Variants in SH3TC1 observed in about 807,000 individuals in gnomAD.
SH3TC1 encodes the protein SH3 domain and tetratricopeptide repeat-containing protein 1.
SH3TC1 carries 135 observed loss-of-function variants against 117.3 expected under a neutral mutation model. The observed-to-expected ratio is 1.15, with a 90% CI of 1.00 to 1.33. The LOEUF (loss-of-function observed/expected upper bound fraction) is 1.33. SH3TC1 is among the 40% of genes most tolerant of loss of function. The pLI is 0.00. For missense variants in SH3TC1, 2,092 were observed against 1,794.3 expected (o/e 1.17, Z -3.00); for synonymous variants, 898 against 816.9 (o/e 1.10, Z -1.69).
intron 7 of SH3TC1, 112 bp downstream of exon 7, chr4:8,217,279 A>T: frequency 7.6e-7 from 1 of 1,307,744 alleles, no homozygotes. Context: ...CCCCGGACAG[A>T]CCTGGCCATG....
chr4:8,199,785 G>A (rs973743557), intron 1 of SH3TC1, among the ~76,000 whole-genome samples: 13 of 152,280 alleles, frequency 8.5e-5, no homozygotes, highest in Middle Eastern at 3.4e-3. Flanking sequence ...TGACCCCAGC[G>A]CCCGGTTAGC....
intron 1 of SH3TC1, among the ~76,000 whole-genome samples, chr4:8,182,912 A>C (rs1039332463): frequency 3.4e-4 from 51 of 152,118 alleles, no homozygotes; most frequent in African/African-American, 1.1e-3. Flanking sequence ...CCCACCTGCC[A>C]CTGGGGATGA....
intron 1 of SH3TC1, chr4:8,182,240 C>G (rs902995682): frequency 6.6e-6 from 1 of 152,252 alleles, no homozygotes; most frequent in Non-Finnish European, 1.5e-5. Flanking sequence ...GCTGGGTCTG[C>G]GCTTGGAAAG....
intron 12 of SH3TC1, 47 bp from the exon 13 acceptor site, chr4:8,231,929 G>C: frequency 6.3e-7 from 1 of 1,595,052 alleles, no homozygotes; most frequent in Non-Finnish European, 8.5e-7. Context: ...AGCCAGCCTC[G>C]CTTCAATGCT....
At chr4:8,211,243 C>A (rs1230717802) in intron 3 of SH3TC1, among the ~76,000 whole-genome samples, 1 of 88,542 alleles carries the variant, frequency 1.1e-5, no homozygotes, top group Non-Finnish European at 2.4e-5. Flanking sequence ...TCCCCTCTCC[C>A]TCCCTCTCCC....
chr4:8,189,877 G>A (rs560136605), intron 1 of SH3TC1, among the ~76,000 whole-genome samples: 88 of 152,328 alleles, frequency 5.8e-4, no homozygotes, highest in African/African-American at 2.1e-3. Context: ...TTAGGGAGGA[G>A]GAGGCTGGGA....
In SH3TC1 at chr4:8,227,705, C is replaced by G. The variant is rs755649628; in HGVS notation, c.2011C>G (p.Leu671Val). 1 of 1,568,098 alleles carries G rather than the reference C, an allele frequency of 6.4e-7. No homozygotes were observed. The highest frequency in any genetic ancestry group is 8.7e-7 in the Non-Finnish European group (1 of 1,154,746). ...GGCCGAGGCCCGGGCCTGCTTCCTG[C>G]TGGCCAGGCACCACGTGCACCTCAA... Reference protein sequence around the residue: ...LQAEARACFLLARHHVHLKQP... With the variant: ...LQAEARACFLVARHHVHLKQP... Residue 671 changes from leucine to valine, a missense_variant, in exon 12 of 18, where the codon CTG becomes GTG. By Grantham distance (32) the Leu-to-Val change is conservative. Transcript: ENST00000245105.
At chr4:8,238,564 CCCCGCCCCGTA>C (rs1722030134) in intron 17 of SH3TC1, among the ~76,000 whole-genome samples, 3 of 152,158 alleles carry the variant, frequency 2.0e-5, no homozygotes, top group Non-Finnish European at 4.4e-5. Flanking sequence ...AACCCTAAGA[CCCCGCCCCGTA>C]TCCCCCGCGG....
intron 1 of SH3TC1, among the ~76,000 whole-genome samples, chr4:8,191,439 G>A (rs535898822): frequency 6.6e-6 from 1 of 152,218 alleles, no homozygotes; most frequent in African/African-American, 2.4e-5. Context: ...TATGAGCCCC[G>A]TGTCCTCGTT....
Position 8,235,534 on chromosome 4 carries a change from G to A in SH3TC1, c.3384G>A (p.Glu1128=), listed in dbSNP as rs1324676326. ...TCTTCGACGGGGCCTGGGAGCGGGA[G>A]AAAGCTGTGTCCTTCTACCGGGTGA... ...DIFFDGAWER[E]KAVSFYRDRA... is the part of the protein sequence containing the mutation. The change falls in exon 15 of 18, where the codon GAG becomes GAA. Residue 1128 remains glutamate (E), a synonymous_variant. Transcript: ENST00000245105. 1.2e-6 allele frequency: 2 copies of A among 1,604,220 alleles called. No homozygotes were observed. The highest frequency in any genetic ancestry group is 8.5e-7 in the Non-Finnish European group (1 of 1,174,822).
chr4:8,229,832 C>T (rs533042780), intron 12 of SH3TC1, among the ~76,000 whole-genome samples: 21 of 152,228 alleles, frequency 1.4e-4, no homozygotes, highest in Admixed American at 2.6e-4. Flanking sequence ...TAGCCTGTGG[C>T]ACCTCCTACG....
At chr4:8,201,100 T>A (rs1012968753) in intron 1 of SH3TC1, among the ~76,000 whole-genome samples, 3 of 152,132 alleles carry the variant, frequency 2.0e-5, no homozygotes, top group Non-Finnish European at 4.4e-5. Flanking sequence ...CTTGGTGGCA[T>A]AGGTGAGGTC....
intron 8 of SH3TC1, 50 bp from the exon 9 acceptor site, chr4:8,219,285 T>G (rs1398685028): frequency 1.3e-6 from 2 of 1,500,384 alleles, no homozygotes; most frequent in Non-Finnish European, 1.8e-6. Context: ...CTGCCCGCTC[T>G]GGCCCCCATT....
Position 8,183,989 on chromosome 4 carries a change from A to G in SH3TC1, c.-57+1779A>G, listed in dbSNP as rs1307765482. ...CTGGTCTCGAACTCCTGACCTCATG[A>G]TCCGCCCACCTCAGCCTCCCAAAGT... On this transcript the variant is annotated intron_variant, in intron 1 of 16. Coordinates refer to the SH3TC1 transcript ENST00000508641. This position sits in a 1 kb window ranked among gnomAD's most constrained non-coding sequence, Gnocchi z 5.4. Among the ~76,000 whole-genome samples the G allele has an allele frequency of 6.6e-6, 1 of 152,062 alleles. No homozygotes were observed. Among genetic ancestry groups the G allele is most frequent in the Admixed American group, 6.6e-5 (1 of 15,262 alleles).
At position 8,225,451 on chromosome 4, in the gene SH3TC1, T is replaced by C. The variant is rs1720377386; in HGVS notation, c.1285+235T>C. On this transcript the variant is annotated intron_variant, in intron 11 of 17. Transcript: ENST00000245105. The surrounding 1 kb of genome is among the most constrained non-coding windows in gnomAD (Gnocchi z 5.5). ...TCCAATGAACATGCTGGCCCCCGCC[T>C]GGTCCCCGCCCAAGATGGAGCATCC... Among the ~76,000 whole-genome samples, 1 of 152,152 alleles carries C rather than the reference T, an allele frequency of 6.6e-6. No individual in the cohort carries two copies. The highest frequency in any genetic ancestry group is 1.5e-5 in the Non-Finnish European group (1 of 68,024).
chr4:8,219,397 C>T lies in SH3TC1; in HGVS notation c.979C>T (p.Arg327Ter), dbSNP rs145565944. 83 of 1,610,802 alleles carry T rather than the reference C, an allele frequency of 5.2e-5. No individual in the cohort carries two copies. The highest frequency in any genetic ancestry group is 6.7e-5 in the Admixed American group (4 of 59,912). ...CTCGGGGCCCGAAGAGATGACCTTC[C>T]GAGGTGGCGACCTCATCGAGATCCT... Reference protein sequence around the residue: ...QGSGPEEMTFRGGDLIEILGA... With the variant: ...QGSGPEEMTF Residue 327 changes from arginine (R) to a stop codon, truncating the protein, a stop_gained, in exon 9 of 18, where the codon CGA becomes TGA. Transcript: ENST00000245105. LOFTEE classifies it high-confidence loss of function.
chr4:8,218,385 G>A lies in SH3TC1; in HGVS notation c.916+38G>A, dbSNP rs905108896. On this transcript the variant is annotated intron_variant, in intron 8 of 17. Coordinates refer to ENST00000245105, the MANE Select transcript of SH3TC1 (RefSeq NM_018986.5). ...ATGGGCCTCTCTTTTTTGGGGAAAT[G>A]TGTGTGCTAGGGAGCAGCACCAACA... 2.0e-6 allele frequency: 3 copies of A among 1,514,960 alleles called. No individual in the cohort carries two copies. The African/African-American group carries it at 4.1e-5, about 21-fold the overall frequency. The allele number at this position is 1,514,960 out of a possible 1,614,324, so 93.8% of individuals were successfully genotyped here. A position where few individuals can be genotyped will look rare whatever the true frequency, so the allele number is the denominator to read the frequency against.
rs866323355 is a variant in SH3TC1, at chr4:8,186,671, C to T, written c.-57+4461C>T. On this transcript the variant is annotated intron_variant, in intron 1 of 16. Coordinates refer to the SH3TC1 transcript ENST00000508641. The surrounding 1 kb of genome is among the most constrained non-coding windows in gnomAD (Gnocchi z 5.2). Reference sequence around the variant, plus strand: ...TTAAAAAGCCCCTTGAGGCTGGGTGCGGTGGCTCACGCCTGTAATCCCAGC... The same window carrying T: ...TTAAAAAGCCCCTTGAGGCTGGGTGTGGTGGCTCACGCCTGTAATCCCAGC... Among the ~76,000 whole-genome samples the T allele has an allele frequency of 6.6e-6, 1 of 152,124 alleles. No individual in the cohort carries two copies. Among genetic ancestry groups the T allele is most frequent in the Non-Finnish European group, 1.5e-5 (1 of 68,008 alleles).
intron 17 of SH3TC1, among the ~76,000 whole-genome samples, chr4:8,238,466 C>T (rs553604156): frequency 1.4e-4 from 22 of 152,328 alleles, no homozygotes; most frequent in South Asian, 2.1e-4. Flanking sequence ...GGCACTGCAT[C>T]GGTGCTCGTT....
Sources: allele counts gnomAD v4.1 joint callset (sites outside exome capture counted in the v4.1 genomes callset), GRCh38; gene constraint gnomAD v4.1.1; non-coding constraint Gnocchi (gnomAD v3.1); transcripts MANE v1.5; gene names NCBI Gene and HGNC (gene_info 2026-07-23, HGNC 2026-07-21).